Variants in RPS29 observed in about 807,000 individuals in gnomAD.
RPS29 encodes the protein small ribosomal subunit protein uS14.
For missense variants in RPS29, 60 were observed against 75.7 expected (o/e 0.79, Z 0.77); for synonymous variants, 37 against 26.9 (o/e 1.37, Z -1.16).
At chr14:49,594,148 G>A (rs1881773162) in intron 1 of RPS29, among the ~76,000 whole-genome samples, 1 of 152,162 alleles carries the variant, frequency 6.6e-6, no homozygotes, top group Admixed American at 6.6e-5. Context: ...TAATTTGGCT[G>A]CAGTATGGAT....
chr14:49,585,583 TAAA>T (rs71441227), intron 2 of RPS29: 115 of 286,384 alleles, frequency 4.0e-4, no homozygotes, highest in East Asian at 6.7e-4. Context: ...ACCCTATCTC[TAAA>T]AAAAAAAAAA....
At chr14:49,577,900 CCCAA>C in intron 2 of RPS29, 1 of 1,402,714 alleles carries the variant, frequency 7.1e-7, no homozygotes, top group Non-Finnish European at 9.9e-7. Context: ...AGCAATGATG[CCCAA>C]CCAAATTCAA....
intron 1 of RPS29, among the ~76,000 whole-genome samples, chr14:49,596,067 T>C (rs2139523717): frequency 6.6e-6 from 1 of 152,144 alleles, no homozygotes; most frequent in South Asian, 2.1e-4. Context: ...GTTGAATGCC[T>C]AGTATGTGCC....
chr14:49,582,256 C>CCA (rs1478291588), downstream of RPS29, among the ~76,000 whole-genome samples: 9 of 152,080 alleles, frequency 5.9e-5, no homozygotes, highest in Non-Finnish European at 1.0e-4. Flanking sequence ...TAGTAATACC[C>CCA]CACCTCTACA....
At chr14:49,582,745 T>C (rs1310115993), downstream of RPS29, among the ~76,000 whole-genome samples, 1 of 152,234 alleles carries the variant, frequency 6.6e-6, no homozygotes, top group Non-Finnish European at 1.5e-5. Context: ...ACATTTCTAA[T>C]AGGCTTCCAG....
intron 1 of RPS29, chr14:49,598,158 T>A (rs1881878358): frequency 2.1e-6 from 1 of 481,506 alleles, no homozygotes; most frequent in Non-Finnish European, 3.7e-6. Flanking sequence ...ATGTTTAATA[T>A]ACGGCTAGGA....
At chr14:49,598,120 T>G (rs1881876768) in intron 1 of RPS29, 1 of 389,300 alleles carries the variant, frequency 2.6e-6, no homozygotes, top group Non-Finnish European at 4.6e-6. Context: ...ATTTTACCAT[T>G]ACGGAAGTAT....
chr14:49,587,310 T>C (rs866984103), upstream of RPS29, among the ~76,000 whole-genome samples: 10 of 152,206 alleles, frequency 6.6e-5, no homozygotes, highest in African/African-American at 2.4e-4. Flanking sequence ...GAAAAGCAAA[T>C]GCAAAAATGC....
chr14:49,598,535 G>A (rs1408641050), exon 1 of RPS29: 8 of 702,288 alleles, frequency 1.1e-5, no homozygotes, highest in Non-Finnish European at 2.1e-5. Context: ...GCCGGGAAAT[G>A]CGCCCTCGCT....
chr14:49,591,619 ATT>A (rs35067386), intron 1 of RPS29, among the ~76,000 whole-genome samples: 15 of 117,014 alleles, frequency 1.3e-4, no homozygotes, highest in African/African-American at 1.3e-4. Context: ...GCCCAATTTG[ATT>A]TTTTTTTTTT....
intron 2 of RPS29, 38 bp downstream of exon 2, chr14:49,585,912 C>G (rs369423518): frequency 1.3e-6 from 2 of 1,525,010 alleles, no homozygotes; most frequent in Non-Finnish European, 1.8e-6. Flanking sequence ...ACAACCTTCT[C>G]TGCCCAAACA....
chr14:49,571,228 A>C (rs1328924833), exon 3 of RPS29: 4 of 152,232 alleles, frequency 2.6e-5, no homozygotes, highest in Non-Finnish European at 4.4e-5. Context: ...AAAATGGTAC[A>C]GAAAGAATAC....
At chr14:49,571,358 T>C (rs1275646321) in exon 3 of RPS29, 1 of 152,244 alleles carries the variant, frequency 6.6e-6, no homozygotes, top group Non-Finnish European at 1.5e-5. Flanking sequence ...TCACATGCTT[T>C]CTGTTTTATA....
At chr14:49,598,162 G>C (rs1378809386) in intron 1 of RPS29, 6 of 492,512 alleles carry the variant, frequency 1.2e-5, no homozygotes, top group Non-Finnish European at 2.1e-5. Context: ...TTAATATACG[G>C]CTAGGATTAG....
At chr14:49,584,744 AGAGG>A (rs1176527616) in intron 2 of RPS29, among the ~76,000 whole-genome samples, 2 of 151,338 alleles carry the variant, frequency 1.3e-5, no homozygotes, top group African/African-American at 4.9e-5. Context: ...CCTGGGAAAC[AGAGG>A]GAGACCCAAT....
At chr14:49,593,842 C>A (rs1193850599) in intron 1 of RPS29, among the ~76,000 whole-genome samples, 2 of 151,874 alleles carry the variant, frequency 1.3e-5, no homozygotes, top group Non-Finnish European at 2.9e-5. Context: ...TTACATATAA[C>A]CTGGATTCCA....
intron 1 of RPS29, among the ~76,000 whole-genome samples, chr14:49,591,500 C>T (rs1324823154): frequency 8.6e-5 from 13 of 151,748 alleles, no homozygotes; most frequent in Non-Finnish European, 1.3e-4. Flanking sequence ...TTAGTAGACA[C>T]GGAGTTTCAC....
At chr14:49,572,689 T>C (rs1274564582) in exon 3 of RPS29, 2 of 152,200 alleles carry the variant, frequency 1.3e-5, no homozygotes, top group African/African-American at 4.8e-5. Context: ...CTTTGCTCCC[T>C]TGGCAATAAA....
chr14:49,589,751 T>C (rs1354125449), upstream of RPS29, among the ~76,000 whole-genome samples: 3 of 152,248 alleles, frequency 2.0e-5, no homozygotes, highest in African/African-American at 7.2e-5. Context: ...ATCGCAGCAC[T>C]ATTCACAATA....
Sources: gnomAD v4.1 joint callset for allele counts (sites outside exome capture counted in the v4.1 genomes callset) on GRCh38, gnomAD v4.1.1 for gene constraint, MANE v1.5 for transcripts, NCBI Gene and HGNC (gene_info 2026-07-23, HGNC 2026-07-21) for gene names.